The following XRCC4 variants were observed in gnomAD, a reference collection of about 807,000 sequenced individuals.
XRCC4 encodes the protein X-ray repair cross complementing 4, also known as DNA repair protein XRCC4.
In XRCC4, 28 loss-of-function variants were observed where a neutral mutation model predicts 39.1. The ratio of observed to expected loss-of-function variants is 0.72; its 90% CI spans 0.53 to 0.98. The LOEUF is 0.98. Ranked by LOEUF, XRCC4 falls within the 50% of genes least tolerant of loss-of-function variation. The pLI, the probability that XRCC4 is intolerant of heterozygous loss-of-function variation, is 0.00. For synonymous variants in XRCC4, 123 were observed against 126.4 expected (o/e 0.97, Z 0.18); for missense variants, 350 against 376.4 (o/e 0.93, Z 0.58).
intron 4 of XRCC4, among the ~76,000 whole-genome samples, chr5:83,199,220 T>G (rs1020762202): frequency 1.3e-5 from 2 of 152,184 alleles, no homozygotes; most frequent in African/African-American, 2.4e-5. Flanking sequence ...TCATCTCCTC[T>G]TGATAGCCCG....
intron 3 of XRCC4, among the ~76,000 whole-genome samples, chr5:83,173,029 C>G (rs779141894): frequency 1.3e-5 from 2 of 151,974 alleles, no homozygotes; most frequent in Non-Finnish European, 2.9e-5. Context: ...AGATATTGTT[C>G]CAGGATTTCT....
At chr5:83,344,588 C>A (rs177712) in intron 7 of XRCC4, among the ~76,000 whole-genome samples, 2 of 151,930 alleles carry the variant, frequency 1.3e-5, no homozygotes, top group Admixed American at 1.3e-4. Context: ...GCTTAAGATT[C>A]ATGTATGTGT....
chr5:83,131,559 C>T (rs1219632266), intron 3 of XRCC4, among the ~76,000 whole-genome samples: 2 of 152,142 alleles, frequency 1.3e-5, no homozygotes, highest in South Asian at 2.1e-4. Flanking sequence ...AATCTGGGTG[C>T]TCCTGTATTG....
chr5:83,148,501 A>G (rs944390671), intron 3 of XRCC4, among the ~76,000 whole-genome samples: 1 of 152,124 alleles, frequency 6.6e-6, no homozygotes, highest in Non-Finnish European at 1.5e-5. Context: ...TGGGAGAGTT[A>G]TTCTTTGAGT....
rs1751504460 is a variant in XRCC4 at position 83,208,486 on chromosome 5, A to T, written c.745+3565A>T. Among the ~76,000 whole-genome samples the T allele has an allele frequency of 2.0e-5, 3 of 152,032 alleles. No homozygotes were observed. In the South Asian group the frequency reaches 6.2e-4, roughly 31 times the overall value. Reference sequence around the variant, plus strand: ...TTATGCATATATCCAGAAGTAGAGTAGGGGTATTACAATTTGAAGGAAATT... The same window carrying T: ...TTATGCATATATCCAGAAGTAGAGTTGGGGTATTACAATTTGAAGGAAATT... On this transcript the variant is annotated intron_variant, in intron 6 of 7. Transcript: ENST00000396027.
At chr5:83,192,259 T>C (rs1004348151) in intron 3 of XRCC4, among the ~76,000 whole-genome samples, 9 of 147,844 alleles carry the variant, frequency 6.1e-5, no homozygotes, top group African/African-American at 2.2e-4. Context: ...TATATATACG[T>C]ATACATATGT....
chr5:83,085,981 T>G (rs753331032), intron 1 of XRCC4, among the ~76,000 whole-genome samples: 26 of 152,208 alleles, frequency 1.7e-4, no homozygotes, highest in Non-Finnish European at 4.4e-5. Context: ...TCTTACATTG[T>G]TTTGCGGACT....
the XRCC4 span, among the ~76,000 whole-genome samples, chr5:83,367,608 G>C: frequency 1.3e-5 from 2 of 152,094 alleles, no homozygotes; most frequent in Admixed American, 1.3e-4. Flanking sequence ...GCTTTCTCTT[G>C]AAACTTGACA....
the XRCC4 span, among the ~76,000 whole-genome samples, chr5:83,361,623 C>A: frequency 2.1e-5 from 3 of 144,826 alleles, no homozygotes; most frequent in East Asian, 4.0e-4. Context: ...TTTTATTTTT[C>A]TTTTTTTTTT....
chr5:83,361,486 C>T, the XRCC4 span, among the ~76,000 whole-genome samples: 3 of 152,166 alleles, frequency 2.0e-5, no homozygotes, highest in South Asian at 6.2e-4. Context: ...ACTTATCTCC[C>T]TTTCTTTCAT....
chr5:83,372,880 T>A, the XRCC4 span, among the ~76,000 whole-genome samples: 1 of 152,182 alleles, frequency 6.6e-6, no homozygotes, highest in African/African-American at 2.4e-5. Flanking sequence ...TATAAAAATA[T>A]CACTTACAAT....
intron 7 of XRCC4, 60 bp downstream of exon 7, chr5:83,258,737 A>T: frequency 1.3e-6 from 2 of 1,532,158 alleles, no homozygotes; most frequent in South Asian, 1.2e-5. Context: ...CTAGCATATG[A>T]TCTTAAAAAT....
At chr5:83,316,153 G>A (rs913734376) in intron 7 of XRCC4, among the ~76,000 whole-genome samples, 1 of 152,050 alleles carries the variant, frequency 6.6e-6, no homozygotes, top group Non-Finnish European at 1.5e-5. Context: ...TGGAAATGTG[G>A]TAGAAGCAGC....
intron 3 of XRCC4, among the ~76,000 whole-genome samples, chr5:83,115,503 G>A (rs1380837070): frequency 6.6e-6 from 1 of 152,118 alleles, no homozygotes; most frequent in Non-Finnish European, 1.5e-5. Context: ...TATCAGCCTG[G>A]ATGGAGTACT....
chr5:83,120,361 G>C (rs988938913), intron 3 of XRCC4, among the ~76,000 whole-genome samples: 1 of 152,148 alleles, frequency 6.6e-6, no homozygotes. Context: ...TACTTATGGT[G>C]AGTATACAGT....
intron 3 of XRCC4, among the ~76,000 whole-genome samples, chr5:83,171,748 A>T (rs1459407800): frequency 6.6e-6 from 1 of 152,078 alleles, no homozygotes; most frequent in Non-Finnish European, 1.5e-5. Flanking sequence ...TTCTAACTTT[A>T]TCCCATCAAC....
In XRCC4 at chr5:83,318,165, TA is replaced by T. The variant is rs544012653; in HGVS notation, c.894-34961del. Among the ~76,000 whole-genome samples the T allele has an allele frequency of 4.8e-5, 7 of 145,566 alleles. No homozygotes were observed. The South Asian group carries it at 1.5e-3, about 30-fold the overall frequency. On this transcript the variant is annotated intron_variant, in intron 7 of 7. Transcript: ENST00000396027. The stretch of plus-strand genomic sequence containing the variant: ...GACAAAATTCAACAACGCTTCATGC[TA>T]AAAACTCTCAATGAATTAGGTGTTG...
At chr5:83,293,506 A>G (rs776669719) in intron 7 of XRCC4, among the ~76,000 whole-genome samples, 20 of 151,372 alleles carry the variant, frequency 1.3e-4, no homozygotes, top group Non-Finnish European at 2.7e-4. Flanking sequence ...CACATCTTTT[A>G]TAATTTAACC....
At chr5:83,139,312 C>T (rs1223610102) in intron 3 of XRCC4, among the ~76,000 whole-genome samples, 2 of 152,028 alleles carry the variant, frequency 1.3e-5, no homozygotes, top group East Asian at 3.9e-4. Flanking sequence ...ACAAGAATAC[C>T]ATAGAAATGA....
Sources: gnomAD v4.1 joint callset for allele counts (sites outside exome capture counted in the v4.1 genomes callset) on GRCh38, gnomAD v4.1.1 for gene constraint, MANE v1.5 for transcripts, NCBI Gene and HGNC (gene_info 2026-07-23, HGNC 2026-07-21) for gene names.